The following LDLRAD3 variants were observed in gnomAD, a reference collection of about 807,000 sequenced individuals.
LDLRAD3 encodes low-density lipoprotein receptor class A domain-containing protein 3.
Under a neutral mutation model 29.4 loss-of-function variants are expected in LDLRAD3, and 20 were observed. That is an observed-to-expected ratio of 0.68 (90% CI 0.48 to 0.99). The LOEUF is 0.99. Among genes scored for constraint, LDLRAD3 ranks in the 50% least tolerant of loss-of-function variants. The pLI, the probability that LDLRAD3 is intolerant of heterozygous loss-of-function variation, is 0.00. For synonymous variants in LDLRAD3, 157 were observed against 192.7 expected, an observed-to-expected ratio of 0.81 and a Z score of 1.53; for missense variants, 420 against 454.3, an observed-to-expected ratio of 0.92 and a Z score of 0.69.
intron 4 of LDLRAD3, among the ~76,000 whole-genome samples, chr11:36,133,542 CTTTTCTTTT>C (rs1355576459): frequency 1.1e-4 from 14 of 122,800 alleles, no homozygotes; most frequent in Non-Finnish European, 2.3e-4. Context: ...TTTTCTTTTT[CTTTTCTTTT>C]TTTTTTTTTT....
chr11:36,037,678 C>T (rs1464910852), intron 2 of LDLRAD3, among the ~76,000 whole-genome samples: 3 of 152,118 alleles, frequency 2.0e-5, no homozygotes, highest in Non-Finnish European at 2.9e-5. Context: ...CGCATGGGAA[C>T]GGGCACTGGC....
At chr11:36,020,092 G>A (rs1165981098) in intron 1 of LDLRAD3, among the ~76,000 whole-genome samples, 1 of 151,970 alleles carries the variant, frequency 6.6e-6, no homozygotes, top group Admixed American at 6.5e-5. Flanking sequence ...CCGGAGTTCT[G>A]GAGGCAAGCT....
intron 4 of LDLRAD3, among the ~76,000 whole-genome samples, chr11:36,148,278 T>A (rs1485762510): frequency 6.6e-6 from 1 of 152,174 alleles, no homozygotes; most frequent in Admixed American, 6.5e-5. Context: ...TTCTCAACCC[T>A]GTGATCTTTG....
At chr11:36,147,448 AT>A (rs1226696891) in intron 4 of LDLRAD3, among the ~76,000 whole-genome samples, 3 of 152,140 alleles carry the variant, frequency 2.0e-5, no homozygotes, top group African/African-American at 7.2e-5. Context: ...GACACCAGTC[AT>A]TTGACTTAGG....
At chr11:35,982,855 T>G (rs1851559768) in intron 1 of LDLRAD3, among the ~76,000 whole-genome samples, 1 of 145,400 alleles carries the variant, frequency 6.9e-6, no homozygotes, top group African/African-American at 2.6e-5. Flanking sequence ...CTGCTTTTTT[T>G]TTTTTTTTTT....
intron 1 of LDLRAD3, among the ~76,000 whole-genome samples, chr11:35,995,970 C>T (rs559622243): frequency 2.6e-5 from 4 of 152,184 alleles, no homozygotes; most frequent in African/African-American, 7.2e-5. Context: ...CTCTCCAGAC[C>T]GCTAAAACTT....
intron 2 of LDLRAD3, among the ~76,000 whole-genome samples, chr11:36,072,941 A>G (rs2133247896): frequency 6.6e-6 from 1 of 152,310 alleles, no homozygotes; most frequent in South Asian, 2.1e-4. Flanking sequence ...TGAAATGGGA[A>G]AAATAAGGAC....
At chr11:35,951,624 T>C (rs917263295) in intron 1 of LDLRAD3, among the ~76,000 whole-genome samples, 2 of 152,376 alleles carry the variant, frequency 1.3e-5, no homozygotes, top group African/African-American at 2.4e-5. Flanking sequence ...GGAATTATGG[T>C]AATTTCTTGC....
chr11:36,070,991 A>G (rs1852891957), intron 2 of LDLRAD3, among the ~76,000 whole-genome samples: 1 of 152,168 alleles, frequency 6.6e-6, no homozygotes, highest in Admixed American at 6.5e-5. Flanking sequence ...AGAGAAACCA[A>G]TTCCAGCAAA....
intron 1 of LDLRAD3, among the ~76,000 whole-genome samples, chr11:36,012,576 C>G (rs1204827715): frequency 6.6e-6 from 1 of 152,130 alleles, no homozygotes. Context: ...GATCTGATAA[C>G]TGAGACCGTT....
chr11:36,063,344 C>T (rs1048933545), intron 2 of LDLRAD3, among the ~76,000 whole-genome samples: 1 of 152,170 alleles, frequency 6.6e-6, no homozygotes, highest in African/African-American at 2.4e-5. Flanking sequence ...TTTATTGCGA[C>T]TATCTAATTT....
chr11:36,065,946 G>A (rs942655052), intron 2 of LDLRAD3, among the ~76,000 whole-genome samples: 1 of 152,142 alleles, frequency 6.6e-6, no homozygotes, highest in African/African-American at 2.4e-5. Flanking sequence ...AATATGCCAC[G>A]GAAGCGAGGA....
chr11:35,967,990 A>G (rs145697037), intron 1 of LDLRAD3: 184 of 423,660 alleles, frequency 4.3e-4, no homozygotes, highest in African/African-American at 3.7e-3. Flanking sequence ...TTTATTGCAT[A>G]AACACTTCTA....
At chr11:36,144,736 C>G (rs1854147407) in intron 4 of LDLRAD3, among the ~76,000 whole-genome samples, 1 of 140,108 alleles carries the variant, frequency 7.1e-6, no homozygotes, top group African/African-American at 2.7e-5. Context: ...CGCCCGGCAG[C>G]CACCCCGTCC....
At chr11:36,165,276 A>G (rs906306718) in intron 4 of LDLRAD3, among the ~76,000 whole-genome samples, 2 of 152,144 alleles carry the variant, frequency 1.3e-5, no homozygotes, top group Non-Finnish European at 2.9e-5. Flanking sequence ...ACTTAGCCAC[A>G]CATCTATTGA....
chr11:36,036,033 C>G (rs1852299099), intron 1 of LDLRAD3, 70 bp from the exon 2 acceptor site: 5 of 1,513,444 alleles, frequency 3.3e-6, no homozygotes, highest in Admixed American at 3.7e-5. Flanking sequence ...AAACCACACA[C>G]CTTTCAGTTG....
At chr11:36,028,838 T>C (rs1338233203) in intron 1 of LDLRAD3, among the ~76,000 whole-genome samples, 1 of 152,218 alleles carries the variant, frequency 6.6e-6, no homozygotes, top group East Asian at 1.9e-4. Flanking sequence ...CTCTGGCCAT[T>C]TGCAGACTTG....
intron 1 of LDLRAD3, among the ~76,000 whole-genome samples, chr11:35,980,367 C>G (rs530373089): frequency 1.3e-5 from 2 of 152,062 alleles, no homozygotes; most frequent in African/African-American, 4.8e-5. Context: ...GTTAGGGAAC[C>G]GATCCACTGG....
At chr11:36,096,148 T>A (rs1296562369) in intron 3 of LDLRAD3, among the ~76,000 whole-genome samples, 1 of 152,226 alleles carries the variant, frequency 6.6e-6, no homozygotes, top group African/African-American at 2.4e-5. Context: ...ACTGGTTTCC[T>A]CCATTTCCCC....
Sources: gnomAD v4.1 joint callset for allele counts (sites outside exome capture counted in the v4.1 genomes callset) on GRCh38, gnomAD v4.1.1 for gene constraint, MANE v1.5 for transcripts, NCBI Gene and HGNC (gene_info 2026-07-23, HGNC 2026-07-21) for gene names.